RPTOR: variants seen among roughly 807,000 people sequenced by gnomAD.
The protein encoded by RPTOR is regulatory-associated protein of mTOR.
Under a neutral mutation model 169.9 loss-of-function variants are expected in RPTOR, and 21 were observed. The observed-to-expected ratio is 0.12, with a 90% CI of 0.09 to 0.18. RPTOR has a LOEUF of 0.18. Ranked by LOEUF, RPTOR falls within the 10% of genes least tolerant of loss-of-function variation. RPTOR has a pLI of 1.00. For missense variants in RPTOR, 1,133 were observed against 1,855.9 expected, an observed-to-expected ratio of 0.61 and a Z score of 7.16; for synonymous variants, 732 against 753.2, an observed-to-expected ratio of 0.97 and a Z score of 0.46.
At chr17:80,773,517 G>C (rs189378785) in intron 6 of RPTOR, among the ~76,000 whole-genome samples, 1 of 152,130 alleles carries the variant, frequency 6.6e-6, no homozygotes, top group Admixed American at 6.5e-5. Context: ...TGTTGGAAAG[G>C]CCCTTCCTTT....
At chr17:80,903,470 C>A (rs1165742034) in intron 20 of RPTOR, among the ~76,000 whole-genome samples, 1 of 152,232 alleles carries the variant, frequency 6.6e-6, no homozygotes, top group Non-Finnish European at 1.5e-5. Flanking sequence ...GCCTCTCAGC[C>A]GCACACATTG....
At chr17:80,847,824 G>A (rs1002517893) in intron 11 of RPTOR, among the ~76,000 whole-genome samples, 6 of 152,206 alleles carry the variant, frequency 3.9e-5, no homozygotes, top group South Asian at 2.1e-4. Flanking sequence ...GGTTAGGGCC[G>A]CTCACCACAC....
chr17:80,922,102 A>G lies in RPTOR; in HGVS notation c.2521-622A>G, dbSNP rs144320205. Among the ~76,000 whole-genome samples the G allele has an allele frequency of 2.9e-3, 441 of 152,326 alleles. 3 individuals are homozygous for G. The highest frequency in any genetic ancestry group is 0.01 in the African/African-American group (422 of 41,574). On this transcript the variant is annotated intron_variant, in intron 21 of 33. Transcript: ENST00000306801. ...GGCCTCCTGAAGCACACGGGGGTGT[A>G]AACAGTGGCCTGCGTGGAGGCCTCA...
intron 5 of RPTOR, among the ~76,000 whole-genome samples, chr17:80,752,702 G>A (rs2066641908): frequency 6.6e-6 from 1 of 152,198 alleles, no homozygotes; most frequent in Non-Finnish European, 1.5e-5. Context: ...TAAGGATCCT[G>A]TTTTGTTGAA....
chr17:80,617,878 C>T (rs983848703), intron 1 of RPTOR, among the ~76,000 whole-genome samples: 12 of 152,178 alleles, frequency 7.9e-5, no homozygotes, highest in Admixed American at 2.6e-4. Context: ...CGCATGGCTT[C>T]ACACACCCGC....
At chr17:80,923,374 C>T (rs2068770525) in intron 22 of RPTOR, 116 bp from the exon 23 acceptor site, 2 of 1,154,104 alleles carry the variant, frequency 1.7e-6, no homozygotes, top group Non-Finnish European at 2.5e-6. Context: ...CTGAGGACAC[C>T]CCGGGCCCTG....
Position 80,609,434 on chromosome 17 carries a change from G to A in RPTOR, c.163-16257G>A, listed in dbSNP as rs757873421. ...TTAAGCCAGAAAACAATGTTGATAC[G>A]TCTTGAGATGTGTATAAATCATTTG... On this transcript the variant is annotated intron_variant, in intron 1 of 33. Coordinates refer to ENST00000306801, the MANE Select transcript of RPTOR (RefSeq NM_020761.3). This position sits in a 1 kb window ranked among gnomAD's most constrained non-coding sequence, Gnocchi z 4.8. Among the ~76,000 whole-genome samples, 4 of 152,138 alleles carry A rather than the reference G, an allele frequency of 2.6e-5. No individual in the cohort carries two copies. Among genetic ancestry groups the A allele is most frequent in the Admixed American group, 6.5e-5 (1 of 15,272 alleles).
intron 11 of RPTOR, among the ~76,000 whole-genome samples, chr17:80,853,840 T>G (rs2067822670): frequency 6.6e-6 from 1 of 151,932 alleles, no homozygotes; most frequent in Non-Finnish European, 1.5e-5. Context: ...AATTAGCCGG[T>G]CATGGTGGCA....
chr17:80,724,428 AC>A (rs2066313206), intron 4 of RPTOR, among the ~76,000 whole-genome samples: 1 of 151,124 alleles, frequency 6.6e-6, no homozygotes, highest in South Asian at 2.1e-4. Flanking sequence ...GGTGCTAAAT[AC>A]CCCAGTTTGT....
intron 3 of RPTOR, among the ~76,000 whole-genome samples, chr17:80,687,139 C>T (rs902303595): frequency 2.6e-5 from 4 of 152,244 alleles, no homozygotes; most frequent in African/African-American, 7.2e-5. Flanking sequence ...ATGGCCAGCG[C>T]CTACACTGCA....
At chr17:80,781,858 C>T (rs568358588) in intron 6 of RPTOR, among the ~76,000 whole-genome samples, 86 of 152,326 alleles carry the variant, frequency 5.6e-4, no homozygotes, top group African/African-American at 2.0e-3. Flanking sequence ...TATGATTGTG[C>T]GTGGCTTATC....
chr17:80,960,354 C>A lies in RPTOR; in HGVS notation c.3605+149C>A. 9.1e-7 allele frequency: 1 copy of A among 1,103,110 alleles called. No individual in the cohort carries two copies. Among genetic ancestry groups the A allele is most frequent in the Non-Finnish European group, 1.3e-6 (1 of 777,850 alleles). 68.3% of individuals were successfully genotyped at this position (1,103,110 alleles called of 1,614,324 possible). ...CCTGCAGTGGCGTATTTAGGCCAGT[C>A]CTGGGCTCCCCAAAGCCGCCAGGCC... On this transcript the variant is annotated intron_variant, in intron 30 of 33. Transcript: ENST00000306801. This position sits in a 1 kb window ranked among gnomAD's most constrained non-coding sequence, Gnocchi z 4.8.
chr17:80,890,013 G>T (rs28385493), intron 17 of RPTOR, among the ~76,000 whole-genome samples: 4 of 145,162 alleles, frequency 2.8e-5, no homozygotes, highest in Non-Finnish European at 5.9e-5. Flanking sequence ...GCCCCCGTAC[G>T]CAGCAGGATG....
chr17:80,731,848 T>C (rs1239233067), intron 5 of RPTOR, among the ~76,000 whole-genome samples: 1 of 152,252 alleles, frequency 6.6e-6, no homozygotes, highest in Non-Finnish European at 1.5e-5. Flanking sequence ...AAATTCTGTT[T>C]GGTAGATTTT....
chr17:80,566,109 T>C (rs1382546664), intron 1 of RPTOR, among the ~76,000 whole-genome samples: 1 of 152,240 alleles, frequency 6.6e-6, no homozygotes, highest in Non-Finnish European at 1.5e-5. Context: ...CACGGCTCTC[T>C]ACCTGTCTGC....
intron 20 of RPTOR, among the ~76,000 whole-genome samples, chr17:80,894,099 C>G (rs1273232173): frequency 6.7e-6 from 1 of 148,522 alleles, no homozygotes; most frequent in Non-Finnish European, 1.5e-5. Context: ...CCGGAGCCAT[C>G]GGAGCTGGCC....
intron 5 of RPTOR, among the ~76,000 whole-genome samples, chr17:80,742,346 G>A (rs996108111): frequency 6.6e-5 from 10 of 152,112 alleles, no homozygotes; most frequent in Admixed American, 5.2e-4. Flanking sequence ...GCGGAGCATC[G>A]ACGGTGGTCA....
At chr17:80,694,373 G>T (rs566375154) in intron 3 of RPTOR, among the ~76,000 whole-genome samples, 1 of 152,358 alleles carries the variant, frequency 6.6e-6, no homozygotes, top group East Asian at 1.9e-4. Context: ...TTCCCACCCA[G>T]GTGAGGCGCA....
chr17:80,663,583 G>A (rs1307382588), intron 3 of RPTOR, among the ~76,000 whole-genome samples: 2 of 152,310 alleles, frequency 1.3e-5, no homozygotes, highest in East Asian at 3.9e-4. Context: ...TGAATGGCAG[G>A]GAGTGAAGGC....
Sources: allele counts gnomAD v4.1 joint callset (sites outside exome capture counted in the v4.1 genomes callset), GRCh38; gene constraint gnomAD v4.1.1; non-coding constraint Gnocchi (gnomAD v3.1); transcripts MANE v1.5; gene names NCBI Gene and HGNC (gene_info 2026-07-23, HGNC 2026-07-21).